Variants in PHYHIPL observed in about 807,000 individuals in gnomAD.
The protein encoded by PHYHIPL is phytanoyl-CoA 2-hydroxylase interacting protein like, also known as phytanoyl-CoA hydroxylase-interacting protein-like.
A neutral mutation model predicts 33.4 loss-of-function variants in PHYHIPL; 9 were observed. The ratio of observed to expected loss-of-function variants is 0.27; its 90% confidence interval spans 0.16 to 0.47. The LOEUF (loss-of-function observed/expected upper bound fraction) is 0.47, where lower values mean the gene tolerates loss of function less well. Among genes scored for constraint, PHYHIPL ranks in the 20% least tolerant of loss-of-function variants. The pLI is 0.99. For synonymous variants in PHYHIPL, 153 were observed against 154.1 expected, an observed-to-expected ratio of 0.99 and a Z score of 0.05; for missense variants, 365 against 460.7, an observed-to-expected ratio of 0.79 and a Z score of 1.90.
intron 1 of PHYHIPL, among the ~76,000 whole-genome samples, chr10:59,200,610 C>T (rs1006313262): frequency 7.2e-5 from 11 of 151,976 alleles, no homozygotes; most frequent in African/African-American, 2.2e-4. Flanking sequence ...TTCTACTGAT[C>T]GGAATAGTTT....
rs776934944 is a variant in PHYHIPL, at chr10:59,245,255, C to T, written c.795C>T (p.Asn265=). The T allele has an allele frequency of 2.5e-5, 40 of 1,613,938 alleles. 2 individuals are homozygous for T. In the South Asian group the frequency reaches 4.1e-4, roughly 16 times the overall value. ...AAAAACTTTTTAACCCCAATACTAA[C>T]TTATACTTTGGGGACTTCTACTGTA... ...AAEKLFNPNT[N]LYFGDFYCMY... The change falls in exon 5 of 5, where the codon AAC becomes AAT. Residue 265 remains asparagine, a synonymous_variant. Transcript: ENST00000373880.
At chr10:59,213,560 G>C (rs1839525526) in intron 1 of PHYHIPL, among the ~76,000 whole-genome samples, 1 of 152,166 alleles carries the variant, frequency 6.6e-6, no homozygotes, top group African/African-American at 2.4e-5. Flanking sequence ...CTAGTGATTT[G>C]TAATGGGAGT....
chr10:59,191,008 G>A (rs1483932754), intron 1 of PHYHIPL, among the ~76,000 whole-genome samples: 1 of 151,744 alleles, frequency 6.6e-6, no homozygotes, highest in East Asian at 1.9e-4. Flanking sequence ...ACTTTTACAG[G>A]AGCTACCATT....
At chr10:59,200,031 A>C (rs1410403826) in intron 1 of PHYHIPL, among the ~76,000 whole-genome samples, 1 of 152,082 alleles carries the variant, frequency 6.6e-6, no homozygotes, top group Admixed American at 6.6e-5. Flanking sequence ...CTCTTTTCCT[A>C]ATTGAATACC....
chr10:59,215,528 T>C (rs1250393583), intron 1 of PHYHIPL, among the ~76,000 whole-genome samples: 2 of 151,950 alleles, frequency 1.3e-5, no homozygotes, highest in Non-Finnish European at 2.9e-5. Context: ...TTTGACACAA[T>C]GGAAATAATT....
intron 1 of PHYHIPL, among the ~76,000 whole-genome samples, chr10:59,229,584 T>C (rs1199966834): frequency 2.0e-5 from 3 of 152,126 alleles, no homozygotes; most frequent in African/African-American, 7.2e-5. Context: ...AAATGAGCAA[T>C]GGATGATTCG....
chr10:59,199,219 G>C (rs949153648), intron 1 of PHYHIPL, among the ~76,000 whole-genome samples: 3 of 152,044 alleles, frequency 2.0e-5, no homozygotes, highest in Non-Finnish European at 4.4e-5. Context: ...AATCCATCTT[G>C]AACTAATTTT....
At chr10:59,210,671 C>T (rs184191808) in intron 1 of PHYHIPL, among the ~76,000 whole-genome samples, 10 of 152,162 alleles carry the variant, frequency 6.6e-5, no homozygotes, top group Non-Finnish European at 1.0e-4. Context: ...GAGTTGGAAC[C>T]GACCCAAATG....
intron 1 of PHYHIPL, among the ~76,000 whole-genome samples, chr10:59,209,335 A>G (rs1839380720): frequency 6.6e-6 from 1 of 152,184 alleles, no homozygotes; most frequent in Non-Finnish European, 1.5e-5. Flanking sequence ...ATTAAGCTTC[A>G]TAAGTGAAGG....
At chr10:59,228,736 G>A (rs184807368) in intron 1 of PHYHIPL, among the ~76,000 whole-genome samples, 10 of 152,210 alleles carry the variant, frequency 6.6e-5, no homozygotes, top group Admixed American at 3.9e-4. Context: ...TTTAAGGGAG[G>A]TGAACCTAAA....
At chr10:59,202,494 C>T (rs1839150372) in intron 1 of PHYHIPL, among the ~76,000 whole-genome samples, 1 of 152,020 alleles carries the variant, frequency 6.6e-6, no homozygotes, top group Non-Finnish European at 1.5e-5. Context: ...ATAATTAAAC[C>T]TCAAATAACT....
At chr10:59,215,407 A>C (rs1589280455) in intron 1 of PHYHIPL, among the ~76,000 whole-genome samples, 1 of 152,166 alleles carries the variant, frequency 6.6e-6, no homozygotes, top group East Asian at 1.9e-4. Context: ...ATTTTACCAG[A>C]TCTTCAAGTG....
At chr10:59,201,636 C>A (rs959855373) in intron 1 of PHYHIPL, among the ~76,000 whole-genome samples, 1 of 152,030 alleles carries the variant, frequency 6.6e-6, no homozygotes, top group Non-Finnish European at 1.5e-5. Context: ...TTGTTAGAGG[C>A]TGTCAGTTCT....
At chr10:59,176,286 AC>A (rs1838247308), upstream of PHYHIPL, among the ~76,000 whole-genome samples, 2 of 152,286 alleles carry the variant, frequency 1.3e-5, no homozygotes, top group South Asian at 4.1e-4. Context: ...CCCCGTGCAG[AC>A]GCCTCAGGGC....
At chr10:59,242,311 A>C (rs912484283) in intron 4 of PHYHIPL, among the ~76,000 whole-genome samples, 1 of 152,134 alleles carries the variant, frequency 6.6e-6, no homozygotes, top group Non-Finnish European at 1.5e-5. Flanking sequence ...TCCAAGTAGT[A>C]ACTGACCCTC....
At chr10:59,238,402 A>G (rs112167530) in intron 3 of PHYHIPL, among the ~76,000 whole-genome samples, 186 bp from the exon 4 acceptor site, 2 of 152,018 alleles carry the variant, frequency 1.3e-5, no homozygotes, top group African/African-American at 2.4e-5. Context: ...AACCATAACA[A>G]AAATATTTTT....
intron 2 of PHYHIPL, among the ~76,000 whole-genome samples, chr10:59,234,814 C>T (rs1342923650): frequency 6.6e-6 from 1 of 151,734 alleles, no homozygotes; most frequent in African/African-American, 2.4e-5. Flanking sequence ...GTGTTATAAC[C>T]AGTTCAAAGG....
chr10:59,210,968 TA>T (rs1839423466), intron 1 of PHYHIPL, among the ~76,000 whole-genome samples: 1 of 152,100 alleles, frequency 6.6e-6, no homozygotes, highest in East Asian at 1.9e-4. Context: ...GAGAAATTCC[TA>T]ATGTAATGAT....
chr10:59,217,409 A>G (rs1268501323), intron 1 of PHYHIPL, among the ~76,000 whole-genome samples: 12 of 152,026 alleles, frequency 7.9e-5, no homozygotes, highest in African/African-American at 2.9e-4. Context: ...ACTATTATGT[A>G]TATATTTTTA....
Sources: allele counts gnomAD v4.1 joint callset (sites outside exome capture counted in the v4.1 genomes callset), GRCh38; gene constraint gnomAD v4.1.1; transcripts MANE v1.5; gene names NCBI Gene and HGNC (gene_info 2026-07-23, HGNC 2026-07-21).